The following CNBD1 variants were observed in gnomAD, a reference collection of about 807,000 sequenced individuals.
CNBD1 encodes cyclic nucleotide-binding domain-containing protein 1.
Under a neutral mutation model 54.4 loss-of-function variants are expected in CNBD1, and 71 were observed. The ratio of observed to expected loss-of-function variants is 1.30; its 90% confidence interval spans 1.08 to 1.59. The LOEUF is 1.59. CNBD1 is among the 40% of genes most tolerant of loss of function. The pLI is 0.00. For synonymous variants in CNBD1, 182 were observed against 170.7 expected (o/e 1.07, Z -0.51); for missense variants, 659 against 518.0 (o/e 1.27, Z -2.64).
chr8:87,114,077 T>C (rs1357599585), intron 4 of CNBD1, among the ~76,000 whole-genome samples: 1 of 152,172 alleles, frequency 6.6e-6, no homozygotes, highest in Non-Finnish European at 1.5e-5. Context: ...ATCAATATGA[T>C]TAATATTCAG....
intron 4 of CNBD1, among the ~76,000 whole-genome samples, chr8:87,064,564 C>T (rs1159781671): frequency 3.3e-5 from 5 of 151,658 alleles, no homozygotes; most frequent in African/African-American, 4.8e-5. Flanking sequence ...TTTATAAAGT[C>T]AATATTACAT....
At chr8:87,388,753 A>G (rs1026302373) in intron 2 of CNBD1, among the ~76,000 whole-genome samples, 1 of 152,244 alleles carries the variant, frequency 6.6e-6, no homozygotes, top group Non-Finnish European at 1.5e-5. Flanking sequence ...TCATTTTATG[A>G]GGCCTACATT....
At chr8:87,028,219 A>C (rs1809699028) in intron 4 of CNBD1, among the ~76,000 whole-genome samples, 1 of 152,210 alleles carries the variant, frequency 6.6e-6, no homozygotes, top group Non-Finnish European at 1.5e-5. Flanking sequence ...AAGGACACAC[A>C]CACCTATCCA....
At position 87,284,746 on chromosome 8, in the gene CNBD1, C is replaced by G. The variant is rs1287132153; in HGVS notation, c.840C>G (p.Phe280Leu). The G allele has an allele frequency of 6.2e-7, 1 of 1,603,114 alleles. No homozygotes were observed. Among genetic ancestry groups the G allele is most frequent in the African/African-American group, 1.3e-5 (1 of 74,740 alleles). Residue 280 changes from phenylalanine to leucine, a missense_variant, in exon 7 of 11, where the codon TTC (phenylalanine) becomes TTG (leucine). Physicochemically the swap from Phe to Leu is conservative, Grantham distance 22 (BLOSUM62 0). Coordinates refer to ENST00000518476, the MANE Select transcript of CNBD1 (RefSeq NM_173538.3). Reference protein sequence around the residue: ...MPQNESETQMFSVVTEDDCEI... With the variant: ...MPQNESETQMLSVVTEDDCEI... ...AGAATGAATCGGAAACACAGATGTT[C>G]TCGGTGGTGACAGAAGACGATTGTG...
intron 4 of CNBD1, among the ~76,000 whole-genome samples, chr8:87,138,880 A>G (rs907602457): frequency 6.6e-6 from 1 of 152,230 alleles, no homozygotes; most frequent in African/African-American, 2.4e-5. Flanking sequence ...AATTTCAATA[A>G]ATGATGTACT....
At chr8:87,121,981 G>A (rs555043954) in intron 4 of CNBD1, among the ~76,000 whole-genome samples, 1 of 151,200 alleles carries the variant, frequency 6.6e-6, no homozygotes, top group Admixed American at 6.6e-5. Flanking sequence ...TGAACACTTA[G>A]GTTGTTCCTA....
rs188616021 is a variant in CNBD1 at position 87,232,342 on chromosome 8, A to C, written c.578-4577A>C. On this transcript the variant is annotated intron_variant, in intron 5 of 10. Coordinates refer to ENST00000518476, the MANE Select transcript of CNBD1 (RefSeq NM_173538.3). Reference sequence around the variant, plus strand: ...AGATGTATGTTTCATTTTATAAAAAACTGCCAGATATTTTTACAGAGTAAT... The same window carrying C: ...AGATGTATGTTTCATTTTATAAAAACCTGCCAGATATTTTTACAGAGTAAT... Among the ~76,000 whole-genome samples the C allele has an allele frequency of 1.1e-3, 166 of 152,076 alleles. 1 individual carries two copies. The highest frequency in any genetic ancestry group is 3.8e-3 in the African/African-American group (157 of 41,546).
At chr8:87,297,895 A>G (rs1808910292) in intron 8 of CNBD1, among the ~76,000 whole-genome samples, 1 of 151,902 alleles carries the variant, frequency 6.6e-6, no homozygotes, top group Admixed American at 6.6e-5. Flanking sequence ...ATATCTCTAT[A>G]TTCTATCTAG....
intron 2 of CNBD1, among the ~76,000 whole-genome samples, chr8:87,417,326 T>C (rs1031813023): frequency 1.3e-5 from 2 of 151,898 alleles, no homozygotes; most frequent in Non-Finnish European, 2.9e-5. Flanking sequence ...CTCTACTGGG[T>C]CCCTCTCATG....
intron 8 of CNBD1, among the ~76,000 whole-genome samples, chr8:87,288,639 A>G (rs1808736278): frequency 6.6e-6 from 1 of 152,106 alleles, no homozygotes; most frequent in Non-Finnish European, 1.5e-5. Context: ...GACAGTTAAC[A>G]TACTGTTTCC....
rs546109935 is a variant in CNBD1, at chr8:87,321,140, C to A, written c.1043-30545C>A. ...CTGGCCATTGTGAATAATGCTACAA[C>A]AGGACATAGTAGTTTTTTGAGATCC... On this transcript the variant is annotated intron_variant, in intron 8 of 10. Transcript: ENST00000518476. Among the ~76,000 whole-genome samples, 4 of 59,652 alleles carry A rather than the reference C, an allele frequency of 6.7e-5. No individual in the cohort carries two copies. In the South Asian group the frequency reaches 1.4e-3, roughly 21 times the overall value. The allele number at this position is 59,652 out of a possible 152,430, so 39.1% of individuals were successfully genotyped here.
At chr8:87,001,903 T>A (rs1158836611) in intron 4 of CNBD1, among the ~76,000 whole-genome samples, 1 of 152,174 alleles carries the variant, frequency 6.6e-6, no homozygotes, top group Non-Finnish European at 1.5e-5. Flanking sequence ...CTTTAGGAAG[T>A]CACCTTTGTC....
chr8:87,357,674 A>C (rs938645588), intron 10 of CNBD1, among the ~76,000 whole-genome samples: 2 of 152,164 alleles, frequency 1.3e-5, no homozygotes, highest in African/African-American at 4.8e-5. Flanking sequence ...TGAGTCTCAG[A>C]TGGAACTTTG....
At chr8:87,247,926 C>T (rs1807840792) in intron 6 of CNBD1, among the ~76,000 whole-genome samples, 1 of 152,180 alleles carries the variant, frequency 6.6e-6, no homozygotes, top group South Asian at 2.1e-4. Flanking sequence ...CATGGACTCA[C>T]ATTCAGAAGT....
chr8:87,260,189 A>G (rs1182982944), intron 6 of CNBD1, among the ~76,000 whole-genome samples: 2 of 152,188 alleles, frequency 1.3e-5, no homozygotes, highest in Non-Finnish European at 2.9e-5. Context: ...ACTACTCCAG[A>G]TAATTTTTAG....
chr8:87,383,503 G>C (rs896446864), downstream of CNBD1, among the ~76,000 whole-genome samples: 9 of 152,116 alleles, frequency 5.9e-5, no homozygotes, highest in African/African-American at 2.2e-4. Context: ...AGGAAATATA[G>C]AGTCAATGTT....
At chr8:87,118,402 T>C (rs1171289710) in intron 4 of CNBD1, among the ~76,000 whole-genome samples, 4 of 151,440 alleles carry the variant, frequency 2.6e-5, no homozygotes, top group African/African-American at 9.7e-5. Flanking sequence ...ATGGTTCATG[T>C]ATGTAAATAG....
At chr8:87,334,555 C>T (rs1809902459) in intron 8 of CNBD1, among the ~76,000 whole-genome samples, 1 of 136,000 alleles carries the variant, frequency 7.4e-6, no homozygotes, top group Non-Finnish European at 1.6e-5. Context: ...TTAGCTGCAT[C>T]TCAGAGATTC....
chr8:87,299,559 C>A (rs1585992976), intron 8 of CNBD1, among the ~76,000 whole-genome samples: 1 of 152,164 alleles, frequency 6.6e-6, no homozygotes, highest in East Asian at 1.9e-4. Flanking sequence ...GATCCAAATG[C>A]ATTTCCCAGA....
Sources: gnomAD v4.1 joint callset for allele counts (sites outside exome capture counted in the v4.1 genomes callset) on GRCh38, gnomAD v4.1.1 for gene constraint, MANE v1.5 for transcripts, NCBI Gene and HGNC (gene_info 2026-07-23, HGNC 2026-07-21) for gene names.